Variants in UBE2V2 observed in about 807,000 individuals in gnomAD.
UBE2V2 encodes ubiquitin conjugating enzyme E2 V2.
In UBE2V2, 9 loss-of-function variants were observed where a neutral mutation model predicts 17.2. The ratio of observed to expected loss-of-function variants is 0.52; its 90% CI spans 0.32 to 0.91. The LOEUF (loss-of-function observed/expected upper bound fraction) is 0.91, where lower values mean the gene tolerates loss of function less well. UBE2V2 is among the 40% of genes least tolerant of loss of function. The probability of loss-of-function intolerance (pLI) is 0.04; values close to 1 mark genes in which losing one functional copy is unlikely to be tolerated. For synonymous variants in UBE2V2, 61 were observed against 57.5 expected (o/e 1.06, Z -0.28); for missense variants, 133 against 182.6 (o/e 0.73, Z 1.56).
intron 1 of UBE2V2, among the ~76,000 whole-genome samples, chr8:48,029,687 T>C (rs2091369959): frequency 6.6e-6 from 1 of 152,220 alleles, no homozygotes; most frequent in Non-Finnish European, 1.5e-5. Flanking sequence ...GCTACCTAAA[T>C]TATTGATTGT....
At chr8:48,049,432 G>T (rs1563858876) in intron 2 of UBE2V2, 1 of 160,992 alleles carries the variant, frequency 6.2e-6, no homozygotes, top group East Asian at 1.9e-4. Context: ...CTGTAAAACA[G>T]AAACCTTCAT....
In UBE2V2 at chr8:48,055,408, C is replaced by G. The variant is rs572246606; in HGVS notation, c.292-5274C>G. Among the ~76,000 whole-genome samples the G allele has an allele frequency of 1.2e-3, 179 of 151,926 alleles. 1 individual carries two copies. Among genetic ancestry groups the G allele is most frequent in the African/African-American group, 4.2e-3 (174 of 41,436 alleles). Reference sequence around the variant, plus strand: ...TAGAGACGGGGTTTCACTATGTTGGCCAGGCTGGTCTTGAACTCCTGATTT... The same window carrying G: ...TAGAGACGGGGTTTCACTATGTTGGGCAGGCTGGTCTTGAACTCCTGATTT... On this transcript the variant is annotated intron_variant, in intron 3 of 3. Coordinates refer to ENST00000523111, the MANE Select transcript of UBE2V2 (RefSeq NM_003350.3).
chr8:48,040,928 G>A (rs1250635573), intron 1 of UBE2V2, among the ~76,000 whole-genome samples: 36 of 143,914 alleles, frequency 2.5e-4, no homozygotes, highest in African/African-American at 8.6e-4. Context: ...GCAGTGGTGC[G>A]ATCTCGGCTC....
chr8:48,009,348 C>G (rs1481275065), intron 1 of UBE2V2, among the ~76,000 whole-genome samples: 1 of 150,384 alleles, frequency 6.6e-6, no homozygotes, highest in Non-Finnish European at 1.5e-5. Flanking sequence ...TCACTGCAAC[C>G]TCCACCTCCC....
At chr8:48,009,252 TTTTTC>T (rs1297717477) in intron 1 of UBE2V2, among the ~76,000 whole-genome samples, 10 of 151,730 alleles carry the variant, frequency 6.6e-5, no homozygotes, top group East Asian at 3.9e-4. Context: ...GTGATCTGCC[TTTTTC>T]TTTTCTTTTC....
chr8:48,007,009 T>C (rs1351589422), upstream of UBE2V2, among the ~76,000 whole-genome samples: 1 of 151,422 alleles, frequency 6.6e-6, no homozygotes, highest in Non-Finnish European at 1.5e-5. Context: ...GCCTCCCGAG[T>C]AGCTGGGACT....
intron 1 of UBE2V2, among the ~76,000 whole-genome samples, chr8:48,022,541 A>G (rs1246213732): frequency 2.0e-5 from 3 of 152,160 alleles, no homozygotes; most frequent in Non-Finnish European, 2.9e-5. Flanking sequence ...ACACTCCACC[A>G]TTACAGTATT....
intron 1 of UBE2V2, among the ~76,000 whole-genome samples, chr8:48,009,897 T>G (rs45492298): frequency 0.023 from 3,466 of 152,312 alleles, 103 homozygotes; most frequent in East Asian, 0.084. Context: ...TTTAGTGTTA[T>G]GACTTTACTG....
At chr8:48,025,353 T>A (rs533165956) in intron 1 of UBE2V2, among the ~76,000 whole-genome samples, 15 of 151,516 alleles carry the variant, frequency 9.9e-5, no homozygotes, top group African/African-American at 3.4e-4. Flanking sequence ...CTGCAACTTG[T>A]GCAGGGTTCA....
chr8:48,036,406 G>GTATAGAGTATAATTT (rs2091425398), intron 1 of UBE2V2, among the ~76,000 whole-genome samples: 1 of 151,862 alleles, frequency 6.6e-6, no homozygotes, highest in African/African-American at 2.4e-5. Flanking sequence ...TCTTTAATTT[G>GTATAGAGTATAATTT]GTATAGAGTA....
At chr8:48,023,494 G>A (rs1290371729) in intron 1 of UBE2V2, among the ~76,000 whole-genome samples, 1 of 152,052 alleles carries the variant, frequency 6.6e-6, no homozygotes, top group African/African-American at 2.4e-5. Flanking sequence ...GGGATCACAG[G>A]TGTGAGCCAC....
At position 48,015,688 on chromosome 8, in the gene UBE2V2, G is replaced by T. The variant is rs1589849863; in HGVS notation, c.16+7218G>T. ...TAACCTCTGGTAACCACCATCTCCT[G>T]TCTACTTCTGTGAGATCAATTTTGA... is the stretch of plus-strand genomic sequence containing the variant. On this transcript the variant is annotated intron_variant, in intron 1 of 3. Transcript: ENST00000523111. Among the ~76,000 whole-genome samples the T allele has an allele frequency of 2.0e-5, 3 of 152,042 alleles. No homozygotes were observed. In the Middle Eastern group the frequency reaches 0.01, roughly 517 times the overall value.
At chr8:48,055,346 C>A (rs1475595311) in intron 3 of UBE2V2, among the ~76,000 whole-genome samples, 1 of 151,640 alleles carries the variant, frequency 6.6e-6, no homozygotes, top group Non-Finnish European at 1.5e-5. Context: ...ATTACAGGCG[C>A]CCGCCAACAT....
At chr8:48,009,835 A>G (rs1359550336) in intron 1 of UBE2V2, among the ~76,000 whole-genome samples, 1 of 152,164 alleles carries the variant, frequency 6.6e-6, no homozygotes, top group Non-Finnish European at 1.5e-5. Context: ...GGGGTAGTAT[A>G]CATACTTGGG....
At chr8:48,010,785 C>T (rs1182218334) in intron 1 of UBE2V2, among the ~76,000 whole-genome samples, 1 of 150,786 alleles carries the variant, frequency 6.6e-6, no homozygotes, top group Non-Finnish European at 1.5e-5. Context: ...GCAACTTCCA[C>T]CTCCCTGGTT....
chr8:48,053,068 G>A (rs962256024), intron 3 of UBE2V2, among the ~76,000 whole-genome samples: 1 of 152,002 alleles, frequency 6.6e-6, no homozygotes, highest in Admixed American at 6.6e-5. Flanking sequence ...CACAACACCT[G>A]GCTAATTTAA....
intron 1 of UBE2V2, among the ~76,000 whole-genome samples, chr8:48,011,726 T>C (rs1254291074): frequency 1.3e-5 from 2 of 152,198 alleles, no homozygotes; most frequent in Non-Finnish European, 2.9e-5. Flanking sequence ...CGATCATGGC[T>C]CACTGCAGCC....
intron 1 of UBE2V2, among the ~76,000 whole-genome samples, chr8:48,010,333 T>C (rs1476956770): frequency 6.7e-6 from 1 of 149,232 alleles, no homozygotes; most frequent in Non-Finnish European, 1.5e-5. Flanking sequence ...TCACCTCAGG[T>C]GATCCACCCG....
intron 2 of UBE2V2, among the ~76,000 whole-genome samples, chr8:48,043,934 T>C (rs1478684815): frequency 1.3e-5 from 2 of 152,000 alleles, no homozygotes; most frequent in Non-Finnish European, 2.9e-5. Context: ...GATTTTTTTT[T>C]TTTTTTACAT....
Sources: allele counts gnomAD v4.1 joint callset (sites outside exome capture counted in the v4.1 genomes callset), GRCh38; gene constraint gnomAD v4.1.1; transcripts MANE v1.5; gene names NCBI Gene and HGNC (gene_info 2026-07-23, HGNC 2026-07-21).